The following ALMS1 variants were observed in gnomAD, a reference collection of about 807,000 sequenced individuals.
The protein encoded by ALMS1 is centrosome-associated protein ALMS1.
Under a neutral mutation model 352.2 loss-of-function variants are expected in ALMS1, and 271 were observed. The observed-to-expected ratio is 0.77, with a 90% CI of 0.70 to 0.85. The LOEUF (loss-of-function observed/expected upper bound fraction) is 0.85, where lower values mean the gene tolerates loss of function less well. Ranked by LOEUF, ALMS1 falls within the 40% of genes least tolerant of loss-of-function variation. The pLI is 0.00. For synonymous variants in ALMS1, 1,865 were observed against 1,761.2 expected, an observed-to-expected ratio of 1.06 and a Z score of -1.48; for missense variants, 5,445 against 4,870.7, an observed-to-expected ratio of 1.12 and a Z score of -3.51.
In ALMS1 at chr2:73,452,397, A is replaced by T. The variant is rs1464393698; in HGVS notation, c.5870A>T (p.Asp1957Val). The change falls in exon 8 of 23, where the codon GAC (aspartate) becomes GTC (valine). Residue 1957 changes from aspartate (D) to valine (V), a missense_variant. Transcript: ENST00000613296. ...PSVISQQELP[D>V]SHLTEEALKV... ...GTTATCTCTCAACAGGAGTTGCCAG[A>T]CAGTCATCTCACAGAAGAGGCTCTG... 8 of 1,614,054 alleles carry T rather than the reference A, an allele frequency of 5.0e-6. No homozygotes were observed. The highest frequency in any genetic ancestry group is 6.8e-6 in the Non-Finnish European group (8 of 1,179,994).
rs764575993 is a variant in ALMS1, at chr2:73,608,510, GAGA to G, written c.12405_12407del (p.Glu4136del). The G allele has an allele frequency of 3.8e-5, 62 of 1,613,874 alleles. No homozygotes were observed. Among genetic ancestry groups the G allele is most frequent in the Non-Finnish European group, 4.5e-5 (53 of 1,179,916 alleles). ...CAGCTTCCAGAAGTACAGAAAAAGAGAGAAGAAGAGAAGAGAAAATCAGAATAT... is the reference window on the plus strand; with the variant it reads ...CAGCTTCCAGAAGTACAGAAAAAGAGAGAAGAGAAGAGAAAATCAGAATAT... On this transcript the variant is annotated inframe_deletion, in exon 22 of 23. Coordinates refer to ENST00000613296, the MANE Select transcript of ALMS1 (RefSeq NM_001378454.1).
chr2:73,531,895 C>A (rs762918890), intron 11 of ALMS1, among the ~76,000 whole-genome samples: 1 of 152,228 alleles, frequency 6.6e-6, no homozygotes, highest in Non-Finnish European at 1.5e-5. Context: ...CCCTCACTAT[C>A]GTGAGAACAA....
At chr2:73,539,640 G>A (rs763474419) in intron 12 of ALMS1, among the ~76,000 whole-genome samples, 2 of 152,060 alleles carry the variant, frequency 1.3e-5, no homozygotes, top group Admixed American at 6.6e-5. Context: ...AAGATTAGAC[G>A]AATGGCTAAC....
intron 16 of ALMS1, among the ~76,000 whole-genome samples, chr2:73,578,336 T>C (rs915578316): frequency 6.6e-6 from 1 of 152,182 alleles, no homozygotes; most frequent in Non-Finnish European, 1.5e-5. Flanking sequence ...TATTCTGCCC[T>C]CTCTGCCTTT....
intron 10 of ALMS1, among the ~76,000 whole-genome samples, chr2:73,503,247 C>G (rs1056262071): frequency 9.2e-5 from 14 of 152,134 alleles, no homozygotes; most frequent in South Asian, 8.3e-4. Context: ...ATCCCTCCCC[C>G]CTTCCCCGAC....
At chr2:73,412,472 A>G (rs939824028) in intron 2 of ALMS1, among the ~76,000 whole-genome samples, 3 of 152,118 alleles carry the variant, frequency 2.0e-5, no homozygotes, top group African/African-American at 7.2e-5. Context: ...TTCGGTAGAC[A>G]TACTGCTTCA....
chr2:73,500,593 G>T (rs1279942001), intron 10 of ALMS1, among the ~76,000 whole-genome samples: 4 of 151,928 alleles, frequency 2.6e-5, no homozygotes, highest in African/African-American at 9.7e-5. Flanking sequence ...CAGAGATAAG[G>T]AAAAAGGGGA....
intron 13 of ALMS1, 121 bp from the exon 14 acceptor site, chr2:73,557,099 G>A: frequency 2.2e-6 from 3 of 1,346,350 alleles, no homozygotes; most frequent in Non-Finnish European, 3.2e-6. Flanking sequence ...AGCCTAAGAG[G>A]TACTTTTTTC....
chr2:73,588,253 C>T (rs1314861098), intron 16 of ALMS1, among the ~76,000 whole-genome samples: 1 of 152,178 alleles, frequency 6.6e-6, no homozygotes, highest in African/African-American at 2.4e-5. Flanking sequence ...CTCTCTGCCC[C>T]GTGCTGTCTC....
Position 73,438,527 on chromosome 2 carries a change from C to T in ALMS1, c.1432+6236C>T, listed in dbSNP as rs190460156. Among the ~76,000 whole-genome samples, 7 of 152,216 alleles carry T rather than the reference C, an allele frequency of 4.6e-5. No individual in the cohort carries two copies. The South Asian group carries it at 6.2e-4, about 14-fold the overall frequency. ...TTTGGACATACTGAGTTTGATTTGT[C>T]GGGAGATCATTTGGTTTGAAGTGTC... On this transcript the variant is annotated intron_variant, in intron 7 of 22. Coordinates refer to ENST00000613296, the MANE Select transcript of ALMS1 (RefSeq NM_001378454.1).
At chr2:73,501,678 A>G (rs1028327854) in intron 10 of ALMS1, among the ~76,000 whole-genome samples, 7 of 152,194 alleles carry the variant, frequency 4.6e-5, no homozygotes, top group East Asian at 1.9e-4. Flanking sequence ...CAGTACCACA[A>G]TGTCTTGATT....
chr2:73,394,292 A>G (rs544967872), intron 1 of ALMS1, among the ~76,000 whole-genome samples: 5 of 152,170 alleles, frequency 3.3e-5, no homozygotes, highest in Admixed American at 6.6e-5. Context: ...TAGTATTTTG[A>G]TAGAGATTGT....
chr2:73,592,974 T>C (rs1358459983), intron 16 of ALMS1, among the ~76,000 whole-genome samples: 3 of 152,096 alleles, frequency 2.0e-5, no homozygotes, highest in African/African-American at 4.8e-5. Context: ...TCCAAGATTG[T>C]GTACAAGAGA....
Position 73,558,957 on chromosome 2 carries a change from A to T in ALMS1, c.10214-15A>T, listed in dbSNP as rs373014567. 1 of 1,613,710 alleles carries T rather than the reference A, an allele frequency of 6.2e-7. No homozygotes were observed. The highest frequency in any genetic ancestry group is 1.1e-5 in the South Asian group (1 of 91,046). Reference sequence around the variant, plus strand: ...AAGTTCCTGTCTGTATAGTGTGTTAATTTCCCTTTCGTAGATTCCAGTGCT... The same window carrying T: ...AAGTTCCTGTCTGTATAGTGTGTTATTTTCCCTTTCGTAGATTCCAGTGCT... On this transcript the variant is annotated splice_polypyrimidine_tract_variant and intron_variant, in intron 14 of 22. Coordinates refer to ENST00000613296, the MANE Select transcript of ALMS1 (RefSeq NM_001378454.1).
chr2:73,478,807 T>C (rs1329096448), intron 9 of ALMS1, among the ~76,000 whole-genome samples: 1 of 152,076 alleles, frequency 6.6e-6, no homozygotes, highest in Non-Finnish European at 1.5e-5. Context: ...CTGCATACGT[T>C]AGGTATTTGT....
At chr2:73,520,570 G>A (rs1269301488) in intron 11 of ALMS1, among the ~76,000 whole-genome samples, 1 of 152,128 alleles carries the variant, frequency 6.6e-6, no homozygotes, top group Non-Finnish European at 1.5e-5. Flanking sequence ...TTACCTTCAT[G>A]GTCAACAGGA....
chr2:73,424,537 G>A lies in ALMS1; in HGVS notation c.872G>A (p.Ser291Asn), dbSNP rs568470985. The A allele has an allele frequency of 5.6e-6, 9 of 1,612,296 alleles. No homozygotes were observed. The highest frequency in any genetic ancestry group is 7.6e-6 in the Non-Finnish European group (9 of 1,179,044). Residue 291 changes from serine to asparagine, a missense_variant, in exon 5 of 23, where the codon AGT becomes AAT. Coordinates refer to ENST00000613296, the MANE Select transcript of ALMS1 (RefSeq NM_001378454.1). Reference sequence around the variant, plus strand: ...GAAGTAGCTTCAGACTTAGCAAGCAGTCGCTTTAGTGTATCTCAGCACCCG... The same window carrying A: ...GAAGTAGCTTCAGACTTAGCAAGCAATCGCTTTAGTGTATCTCAGCACCCG... ...TAEVASDLAS[S>N]RFSVSQHPLI...
chr2:73,412,464 C>T (rs1337850978), intron 2 of ALMS1, among the ~76,000 whole-genome samples: 5 of 152,022 alleles, frequency 3.3e-5, no homozygotes, highest in African/African-American at 9.7e-5. Flanking sequence ...GTAGGTTTTT[C>T]GGTAGACATA....
chr2:73,461,464 A>T (rs1672200284), intron 9 of ALMS1, among the ~76,000 whole-genome samples: 1 of 152,236 alleles, frequency 6.6e-6, no homozygotes, highest in Non-Finnish European at 1.5e-5. Context: ...GTACGTCACC[A>T]TCATCAAAGA....
Sources: gnomAD v4.1 joint callset for allele counts (sites outside exome capture counted in the v4.1 genomes callset) on GRCh38, gnomAD v4.1.1 for gene constraint, MANE v1.5 for transcripts, NCBI Gene and HGNC (gene_info 2026-07-23, HGNC 2026-07-21) for gene names.